Variants in ACTN1 observed in about 807,000 individuals in gnomAD.
The protein encoded by ACTN1 is actinin alpha 1, also known as alpha-actinin-1.
A neutral mutation model predicts 119.6 loss-of-function variants in ACTN1; 30 were observed. The observed-to-expected ratio is 0.25, with a 90% CI of 0.19 to 0.34. The LOEUF is 0.34. ACTN1 is among the 10% of genes least tolerant of loss of function. The probability of loss-of-function intolerance (pLI) is 1.00; values close to 1 mark genes in which losing one functional copy is unlikely to be tolerated. For missense variants in ACTN1, 764 were observed against 1,223.4 expected (o/e 0.62, Z 5.60); for synonymous variants, 429 against 472.6 (o/e 0.91, Z 1.20).
intron 1 of ACTN1, chr14:68,947,440 T>A (rs916645831): frequency 2.0e-5 from 3 of 152,192 alleles, no homozygotes; most frequent in Admixed American, 1.3e-4. Context: ...CAAGACAGAT[T>A]GTCTTTTTAC....
At chr14:68,889,240 C>T (rs1310985834) in intron 11 of ACTN1, among the ~76,000 whole-genome samples, 2 of 152,206 alleles carry the variant, frequency 1.3e-5, no homozygotes, top group African/African-American at 2.4e-5. Flanking sequence ...CCCCAAGAGC[C>T]TCAAGGTTGG....
At chr14:68,884,127 C>A (rs759861849) in intron 14 of ACTN1, 41 bp downstream of exon 14, 2 of 1,586,900 alleles carry the variant, frequency 1.3e-6, no homozygotes, top group African/African-American at 2.7e-5. Flanking sequence ...GGCCAGGGGC[C>A]CCAGGGGAGC....
intron 1 of ACTN1, among the ~76,000 whole-genome samples, chr14:68,934,675 T>C (rs1274750832): frequency 2.0e-5 from 3 of 152,186 alleles, no homozygotes; most frequent in African/African-American, 7.2e-5. Flanking sequence ...CCAGTATTCC[T>C]TGAGAGAGAA....
chr14:68,948,114 C>T (rs1594859098), intron 1 of ACTN1, among the ~76,000 whole-genome samples: 1 of 152,214 alleles, frequency 6.6e-6, no homozygotes, highest in Non-Finnish European at 1.5e-5. Context: ...CTTGGATGGA[C>T]AGAAAGCACA....
intron 1 of ACTN1, among the ~76,000 whole-genome samples, chr14:68,928,581 C>A (rs1000525132): frequency 2.0e-5 from 3 of 152,182 alleles, no homozygotes; most frequent in Non-Finnish European, 4.4e-5. Context: ...TCAGATTAAC[C>A]TTCCTAAACT....
intron 3 of ACTN1, among the ~76,000 whole-genome samples, chr14:68,915,254 C>T (rs28535769): frequency 0.17 from 25,754 of 148,680 alleles, 3,036 homozygotes; most frequent in East Asian, 0.62. Flanking sequence ...CCTCCCCCTG[C>T]TCCTTCTTCC....
In ACTN1 at chr14:68,909,453, A is replaced by C; in HGVS notation, c.516-57T>G. ...GGTAAATGAGGCTGAACAAACGGGCAACCAGGGCAAAGCAGGGGCCTCCTA... is the reference window on the plus strand; with the variant it reads ...GGTAAATGAGGCTGAACAAACGGGCCACCAGGGCAAAGCAGGGGCCTCCTA... On this transcript the variant is annotated intron_variant, in intron 5 of 21. Coordinates refer to ENST00000394419, the MANE Select transcript of ACTN1 (RefSeq NM_001130004.2). This position sits in a 1 kb window ranked among gnomAD's most constrained non-coding sequence, Gnocchi z 4.1. 1 of 1,563,766 alleles carries C rather than the reference A, an allele frequency of 6.4e-7. No individual in the cohort carries two copies. The highest frequency in any genetic ancestry group is 1.7e-4 in the Middle Eastern group (1 of 5,958).
intron 1 of ACTN1, among the ~76,000 whole-genome samples, chr14:68,949,206 A>G (rs1000252445): frequency 6.6e-6 from 1 of 152,072 alleles, no homozygotes; most frequent in African/African-American, 2.4e-5. Context: ...GGGGTGGGGG[A>G]GGTCATAAGA....
In ACTN1 at chr14:68,874,973, G is replaced by A. The variant is rs2030699232; in HGVS notation, c.2631C>T (p.Asp877=). ...MDELRRELPP[D]QAEYCIARMA... is the part of the protein sequence containing the mutation. ...TCCGCGCGATGCAGTACTCAGCCTG[G>A]TCGGGTGGCAGCTCGCGGCGCAGCT... Residue 877 remains aspartate, a synonymous_variant, in exon 22 of 22, where the codon GAC becomes GAT. Coordinates refer to ENST00000394419, the MANE Select transcript of ACTN1 (RefSeq NM_001130004.2). 8 of 1,613,870 alleles carry A rather than the reference G, an allele frequency of 5.0e-6. No homozygotes were observed. In the South Asian group the frequency reaches 5.5e-5, roughly 11 times the overall value.
chr14:68,876,636 G>C (rs2030929006), intron 21 of ACTN1, among the ~76,000 whole-genome samples: 1 of 152,198 alleles, frequency 6.6e-6, no homozygotes, highest in African/African-American at 2.4e-5. Context: ...ACCCAGAGTA[G>C]ATCACTGCTC....
chr14:68,877,179 G>A lies in ACTN1; in HGVS notation c.2489C>T (p.Thr830Ile), dbSNP rs760936248. The A allele has an allele frequency of 1.9e-6, 3 of 1,614,132 alleles. No individual in the cohort carries two copies. The highest frequency in any genetic ancestry group is 4.5e-5 in the East Asian group (2 of 44,906). Residue 830 changes from threonine to isoleucine, a missense_variant, in exon 21 of 22, where the codon ACA becomes ATA. Physicochemically the swap from Thr to Ile is moderately conservative, Grantham distance 89. This residue lies in a region of ACTN1 where 544 missense variants were observed against 912.0 expected (regional missense o/e 0.60). Transcript: ENST00000394419. ...CATGAAGTCAATGAAGGCCTGGAAT[G>A]TCACTACCCCCAGGCGGTTGGGGTC... ...IVDPNRLGVV[T>I]FQAFIDFMSR...
At position 68,874,895 on chromosome 14, in the gene ACTN1, G is replaced by A; in HGVS notation, c.2709C>T (p.Ser903=). 1 of 1,605,522 alleles carries A rather than the reference G, an allele frequency of 6.2e-7. No homozygotes were observed. Among genetic ancestry groups the A allele is most frequent in the Non-Finnish European group, 8.5e-7 (1 of 1,173,160 alleles). Residue 903 remains serine, a synonymous_variant, in exon 22 of 22, where the codon TCC becomes TCT. Coordinates refer to ENST00000394419, the MANE Select transcript of ACTN1 (RefSeq NM_001130004.2). ...DSVPGALDYM[S]FSTALYGESD... is the part of the protein sequence containing the mutation. ...TCTCGCCGTACAGCGCCGTGGAGAAGGACATGTAGTCCAGAGCACCTGGCA... is the reference window on the plus strand; with the variant it reads ...TCTCGCCGTACAGCGCCGTGGAGAAAGACATGTAGTCCAGAGCACCTGGCA...
At chr14:68,912,386 G>T in intron 3 of ACTN1, 144 bp from the exon 4 acceptor site, 1 of 693,106 alleles carries the variant, frequency 1.4e-6, no homozygotes, top group Non-Finnish European at 2.5e-6. Context: ...CAGGATTTTT[G>T]CTTGTTTTTG....
At position 68,880,752 on chromosome 14, in the gene ACTN1, G is replaced by C; in HGVS notation, c.2133+58C>G. Reference sequence around the variant, plus strand: ...TTCCCTTGGAGACTTCCCCACCCAGGAGAAAGAGCAGAAGGGGCCACGGGC... The same window carrying C: ...TTCCCTTGGAGACTTCCCCACCCAGCAGAAAGAGCAGAAGGGGCCACGGGC... On this transcript the variant is annotated intron_variant, in intron 17 of 21. Transcript: ENST00000394419. This position sits in a 1 kb window ranked among gnomAD's most constrained non-coding sequence, Gnocchi z 4.6. The C allele has an allele frequency of 6.4e-7, 1 of 1,569,754 alleles. No homozygotes were observed. Among genetic ancestry groups the C allele is most frequent in the Non-Finnish European group, 8.7e-7 (1 of 1,147,370 alleles).
intron 1 of ACTN1, chr14:68,978,730 C>T (rs1441789157): frequency 5.5e-6 from 2 of 363,842 alleles, no homozygotes; most frequent in East Asian, 9.5e-5. Flanking sequence ...CACCTCCCCG[C>T]GCTCCGGCCC....
intron 1 of ACTN1, among the ~76,000 whole-genome samples, chr14:68,931,782 T>C (rs1206861049): frequency 1.3e-5 from 2 of 152,160 alleles, no homozygotes; most frequent in African/African-American, 2.4e-5. Flanking sequence ...ATTCTTAGAA[T>C]GAAGGACAGA....
chr14:68,920,150 T>G (rs1201237314), intron 3 of ACTN1, among the ~76,000 whole-genome samples: 1 of 152,252 alleles, frequency 6.6e-6, no homozygotes, highest in Non-Finnish European at 1.5e-5. Flanking sequence ...ACGTAATCTC[T>G]TTAAGCATCT....
chr14:68,876,460 G>C (rs1228148724), intron 21 of ACTN1, among the ~76,000 whole-genome samples: 2 of 151,410 alleles, frequency 1.3e-5, no homozygotes, highest in Non-Finnish European at 1.5e-5. Context: ...GATCCCCTCA[G>C]GTCCCTGGGC....
At chr14:68,891,104 T>C (rs2032440766) in intron 10 of ACTN1, among the ~76,000 whole-genome samples, 1 of 152,214 alleles carries the variant, frequency 6.6e-6, no homozygotes, top group Non-Finnish European at 1.5e-5. Flanking sequence ...GTATTCTCCC[T>C]CCATGACCCC....
Sources: allele counts gnomAD v4.1 joint callset (sites outside exome capture counted in the v4.1 genomes callset), GRCh38; gene constraint gnomAD v4.1.1; regional missense constraint gnomAD v4.1.1; non-coding constraint Gnocchi (gnomAD v3.1); transcripts MANE v1.5; gene names NCBI Gene and HGNC (gene_info 2026-07-23, HGNC 2026-07-21).